CYRIB: variants seen among roughly 807,000 people sequenced by gnomAD.
CYRIB encodes the protein CYFIP-related Rac1 interactor B.
In CYRIB, 8 loss-of-function variants were observed where a neutral mutation model predicts 44.2. That is an observed-to-expected ratio of 0.18 (90% CI 0.11 to 0.33). CYRIB has a LOEUF of 0.33. CYRIB is among the 10% of genes least tolerant of loss of function. The pLI is 1.00. For synonymous variants in CYRIB, 131 were observed against 127.2 expected, an observed-to-expected ratio of 1.03 and a Z score of -0.20; for missense variants, 185 against 382.8, an observed-to-expected ratio of 0.48 and a Z score of 4.31.
chr8:129,857,242 A>G (rs2046677657), intron 5 of CYRIB, among the ~76,000 whole-genome samples: 1 of 152,184 alleles, frequency 6.6e-6, no homozygotes. Context: ...AAATGATTAC[A>G]GCTGTGATAT....
intron 1 of CYRIB, among the ~76,000 whole-genome samples, chr8:129,937,510 T>C (rs1291395780): frequency 1.3e-5 from 2 of 152,256 alleles, no homozygotes; most frequent in Non-Finnish European, 2.9e-5. Flanking sequence ...TAATTTAACC[T>C]GTAAATTTTT....
At chr8:129,887,268 G>A (rs1421442391) in intron 2 of CYRIB, among the ~76,000 whole-genome samples, 1 of 152,220 alleles carries the variant, frequency 6.6e-6, no homozygotes, top group Non-Finnish European at 1.5e-5. Flanking sequence ...TCAAGCTGCT[G>A]TTCAGGCAAG....
At chr8:129,943,846 G>A (rs1457345894), upstream of CYRIB, among the ~76,000 whole-genome samples, 3 of 144,362 alleles carry the variant, frequency 2.1e-5, no homozygotes, top group African/African-American at 5.2e-5. Context: ...TGATCCGCCC[G>A]CCTCGGCCTC....
chr8:129,857,091 T>C (rs1453156173), intron 5 of CYRIB, among the ~76,000 whole-genome samples: 1 of 152,204 alleles, frequency 6.6e-6, no homozygotes, highest in Non-Finnish European at 1.5e-5. Flanking sequence ...TAACTCTAAA[T>C]GACAGCTATT....
At chr8:129,881,094 C>T (rs1472091259) in intron 2 of CYRIB, among the ~76,000 whole-genome samples, 1 of 152,126 alleles carries the variant, frequency 6.6e-6, no homozygotes, top group Non-Finnish European at 1.5e-5. Flanking sequence ...ACACAGCAAA[C>T]AGGGAGCCAG....
chr8:129,924,529 A>T (rs2086275476), intron 1 of CYRIB, among the ~76,000 whole-genome samples: 1 of 152,174 alleles, frequency 6.6e-6, no homozygotes, highest in African/African-American at 2.4e-5. Flanking sequence ...AACCCGTGGG[A>T]TGTAACTATA....
chr8:129,854,959 G>C (rs2045398306), intron 6 of CYRIB, among the ~76,000 whole-genome samples: 1 of 151,266 alleles, frequency 6.6e-6, no homozygotes, highest in Admixed American at 6.6e-5. Flanking sequence ...CAATGACAGA[G>C]GAAAAAAGAA....
Position 129,978,953 on chromosome 8 carries a change from T to C in CYRIB, c.-295-7958A>G, listed in dbSNP as rs375732451. Among the ~76,000 whole-genome samples the C allele has an allele frequency of 1.4e-3, 218 of 152,086 alleles. 1 individual carries two copies. The Middle Eastern group carries it at 0.02, about 14-fold the overall frequency. On this transcript the variant is annotated intron_variant, in intron 1 of 14. Coordinates refer to the CYRIB transcript ENST00000401979. ...GAATTCGGGACCAGCCTGGCCAACA[T>C]AGTGAAACCTCCATCTCGTACTAAA...
At chr8:129,935,479 T>C (rs1225955588) in intron 1 of CYRIB, among the ~76,000 whole-genome samples, 1 of 152,154 alleles carries the variant, frequency 6.6e-6, no homozygotes, top group Non-Finnish European at 1.5e-5. Flanking sequence ...TTCATGCTAC[T>C]ATGAGAATCT....
chr8:129,899,069 GA>G (rs1326979656), intron 2 of CYRIB, among the ~76,000 whole-genome samples: 1 of 152,082 alleles, frequency 6.6e-6, no homozygotes, highest in African/African-American at 2.4e-5. Flanking sequence ...TTGCCATGTT[GA>G]CCAGGCTGAT....
Position 129,871,269 on chromosome 8 carries a change from A to G in CYRIB, c.195+106T>C, listed in dbSNP as rs560473832. 1.7e-5 allele frequency: 22 copies of G among 1,302,880 alleles called. No homozygotes were observed. The East Asian group carries it at 5.0e-4, about 30-fold the overall frequency. 80.7% of individuals were successfully genotyped at this position (1,302,880 alleles called of 1,614,324 possible). A position where few individuals can be genotyped will look rare whatever the true frequency, so the allele number is the denominator to read the frequency against. The stretch of plus-strand genomic sequence containing the variant: ...TGCCAAGTGAGCATCCTTCAAATAT[A>G]ATACTTAATATGAAATATAGAATTC... On this transcript the variant is annotated intron_variant, in intron 4 of 11. Transcript: ENST00000519824.
intron 1 of CYRIB, among the ~76,000 whole-genome samples, chr8:129,914,842 C>G (rs2079884179): frequency 6.6e-6 from 1 of 152,178 alleles, no homozygotes; most frequent in South Asian, 2.1e-4. Flanking sequence ...TGCCTGTATA[C>G]ACAACTTTCA....
At chr8:129,890,573 G>C (rs2064914332) in intron 2 of CYRIB, 1 of 152,116 alleles carries the variant, frequency 6.6e-6, no homozygotes, top group Admixed American at 6.5e-5. Flanking sequence ...TCTGCTTATT[G>C]AACGGCTTCT....
intron 1 of CYRIB, among the ~76,000 whole-genome samples, chr8:129,989,672 T>C (rs147740722): frequency 0.077 from 11,659 of 151,206 alleles, 530 homozygotes; most frequent in South Asian, 0.21. Flanking sequence ...TACTTTAAGT[T>C]TTAGGGTACA....
upstream of CYRIB, among the ~76,000 whole-genome samples, chr8:129,941,755 C>G (rs1016007563): frequency 5.3e-5 from 8 of 152,162 alleles, no homozygotes; most frequent in Non-Finnish European, 1.5e-5. Context: ...GATATGAGCT[C>G]TGAGTAACCA....
upstream of CYRIB, among the ~76,000 whole-genome samples, chr8:129,940,151 T>G (rs573298391): frequency 9.1e-4 from 138 of 152,038 alleles, no homozygotes; most frequent in Non-Finnish European, 1.8e-3. Flanking sequence ...GAAACGGAGG[T>G]TCAGAGGTGG....
At chr8:129,879,866 A>G (rs1431799747) in intron 2 of CYRIB, 1 of 158,234 alleles carries the variant, frequency 6.3e-6, no homozygotes, top group East Asian at 1.9e-4. Context: ...AATTTATTTC[A>G]AAGCCAAATA....
chr8:129,912,049 A>C (rs1310661533), intron 1 of CYRIB, among the ~76,000 whole-genome samples: 1 of 152,198 alleles, frequency 6.6e-6, no homozygotes, highest in African/African-American at 2.4e-5. Context: ...AACTCTGTAA[A>C]ATTAAATGCT....
chr8:129,938,156 T>C (rs1330316263), intron 1 of CYRIB, among the ~76,000 whole-genome samples: 2 of 152,276 alleles, frequency 1.3e-5, no homozygotes, highest in East Asian at 3.9e-4. Flanking sequence ...ATTTTATGAA[T>C]GCTGATTAGG....
Sources: gnomAD v4.1 joint callset for allele counts (sites outside exome capture counted in the v4.1 genomes callset) on GRCh38, gnomAD v4.1.1 for gene constraint, MANE v1.5 for transcripts, NCBI Gene and HGNC (gene_info 2026-07-23, HGNC 2026-07-21) for gene names.